DGKB: variants seen among roughly 807,000 people sequenced by gnomAD.
The protein encoded by DGKB is 90 kDa diacylglycerol kinase.
Under a neutral mutation model 114.3 loss-of-function variants are expected in DGKB, and 67 were observed. That is an observed-to-expected ratio of 0.59 (90% confidence interval 0.48 to 0.72). The LOEUF (loss-of-function observed/expected upper bound fraction) is 0.72. DGKB is among the 30% of genes least tolerant of loss of function. The probability of loss-of-function intolerance (pLI) is 0.00; values close to 1 mark genes in which losing one functional copy is unlikely to be tolerated. For missense variants in DGKB, 907 were observed against 975.2 expected, an observed-to-expected ratio of 0.93 and a Z score of 0.93; for synonymous variants, 398 against 323.1, an observed-to-expected ratio of 1.23 and a Z score of -2.49.
At chr7:14,313,516 G>C (rs922545726) in intron 23 of DGKB, among the ~76,000 whole-genome samples, 1 of 152,028 alleles carries the variant, frequency 6.6e-6, no homozygotes, top group Non-Finnish European at 1.5e-5. Flanking sequence ...GGTGACGGAC[G>C]GCACCTGGAA....
rs1480809851 is a variant in DGKB, at chr7:14,634,661, G to T, written c.1135-4393C>A. On this transcript the variant is annotated intron_variant, in intron 13 of 25. Transcript: ENST00000402815. ...TAAGAGACAGAGAAAAAAAACTAGG[G>T]TAAGATAAAGAAAAATTGTCTTCAT... Among the ~76,000 whole-genome samples, 3 of 151,528 alleles carry T rather than the reference G, an allele frequency of 2.0e-5. 1 individual carries two copies. The highest frequency in any genetic ancestry group is 4.1e-4 in the South Asian group (2 of 4,820).
chr7:14,747,364 T>TG (rs1833452640), intron 4 of DGKB, among the ~76,000 whole-genome samples: 1 of 150,168 alleles, frequency 6.7e-6, no homozygotes, highest in South Asian at 2.1e-4. Context: ...GGCTAATAGT[T>TG]TTTTTTTTTA....
intron 2 of DGKB, among the ~76,000 whole-genome samples, chr7:14,794,165 C>A (rs910403593): frequency 6.6e-6 from 1 of 152,060 alleles, no homozygotes; most frequent in African/African-American, 2.4e-5. Flanking sequence ...CTCTGAAGAA[C>A]CCTCACTAAC....
At chr7:14,878,830 T>C (rs1168526092) in intron 1 of DGKB, among the ~76,000 whole-genome samples, 2 of 151,364 alleles carry the variant, frequency 1.3e-5, no homozygotes, top group African/African-American at 4.8e-5. Context: ...TATTAAAACA[T>C]CTCACAAACT....
At chr7:14,728,809 T>A (rs2128380229) in intron 5 of DGKB, among the ~76,000 whole-genome samples, 1 of 151,514 alleles carries the variant, frequency 6.6e-6, no homozygotes, top group African/African-American at 2.4e-5. Context: ...CTCAAGCAAT[T>A]CTCCTGCCTC....
chr7:14,584,471 A>G (rs1411370853), intron 17 of DGKB, among the ~76,000 whole-genome samples: 2 of 152,156 alleles, frequency 1.3e-5, no homozygotes, highest in East Asian at 3.9e-4. Flanking sequence ...ACATATGAAC[A>G]ACTTTATGAT....
At chr7:14,159,357 T>A (rs1478244161) in intron 25 of DGKB, among the ~76,000 whole-genome samples, 1 of 152,180 alleles carries the variant, frequency 6.6e-6, no homozygotes, top group Non-Finnish European at 1.5e-5. Flanking sequence ...TTTGAAAGCC[T>A]TCCTGGACCT....
chr7:14,416,325 A>C (rs984480341), intron 21 of DGKB, among the ~76,000 whole-genome samples: 1 of 152,108 alleles, frequency 6.6e-6, no homozygotes, highest in African/African-American at 2.4e-5. Flanking sequence ...AACTTCTGAA[A>C]TTTTGGAAGG....
chr7:14,306,512 C>T (rs1296228201), intron 23 of DGKB, among the ~76,000 whole-genome samples: 1 of 151,968 alleles, frequency 6.6e-6, no homozygotes, highest in Non-Finnish European at 1.5e-5. Flanking sequence ...GGTTATTCCA[C>T]GTTCATATTT....
chr7:14,928,114 A>G (rs999081766), intron 1 of DGKB, among the ~76,000 whole-genome samples: 2 of 151,998 alleles, frequency 1.3e-5, no homozygotes, highest in African/African-American at 4.8e-5. Flanking sequence ...ATACATTTAA[A>G]ATTCTATTTA....
intron 1 of DGKB, among the ~76,000 whole-genome samples, chr7:14,913,120 T>G (rs1784074225): frequency 6.6e-6 from 1 of 152,096 alleles, no homozygotes; most frequent in Non-Finnish European, 1.5e-5. Flanking sequence ...GCATTGTGGA[T>G]CAGTGAGTCT....
chr7:14,912,658 A>T (rs1364453527), intron 1 of DGKB, among the ~76,000 whole-genome samples: 1 of 152,180 alleles, frequency 6.6e-6, no homozygotes, highest in East Asian at 1.9e-4. Context: ...CTTAGCTGCA[A>T]CAAAGTAGGA....
intron 1 of DGKB, among the ~76,000 whole-genome samples, chr7:14,940,343 C>CTT (rs35621459): frequency 3.5e-4 from 51 of 145,884 alleles, no homozygotes; most frequent in Admixed American, 2.1e-3. Flanking sequence ...GTCTTCAAGC[C>CTT]TTTTTTTTTT....
intron 2 of DGKB, among the ~76,000 whole-genome samples, chr7:14,825,503 C>T (rs1343125273): frequency 6.6e-6 from 1 of 152,128 alleles, no homozygotes; most frequent in African/African-American, 2.4e-5. Context: ...AACCTAGTCC[C>T]TTGCATGTGC....
At position 14,745,991 on chromosome 7, in the gene DGKB, A is replaced by C. The variant is rs1460675135; in HGVS notation, c.168+7937T>G. Among the ~76,000 whole-genome samples, 7 of 152,300 alleles carry C rather than the reference A, an allele frequency of 4.6e-5. No homozygotes were observed. In the East Asian group the frequency reaches 1.4e-3, roughly 29 times the overall value. On this transcript the variant is annotated intron_variant, in intron 4 of 25. Transcript: ENST00000402815. ...AGTTCTCTCTGGCTCAGCAAGCAAA[A>C]TACTGTTTTATTTTCTGACAGCTCT...
intron 2 of DGKB, among the ~76,000 whole-genome samples, chr7:14,819,553 GCACTCCAGCATGGGT>G (rs1329539819): frequency 6.6e-6 from 1 of 152,056 alleles, no homozygotes; most frequent in African/African-American, 2.4e-5. Flanking sequence ...TCACACCACT[GCACTCCAGCATGGGT>G]TACAGAGTGA....
At chr7:14,460,576 C>A (rs1832938412) in intron 21 of DGKB, among the ~76,000 whole-genome samples, 1 of 151,976 alleles carries the variant, frequency 6.6e-6, no homozygotes, top group Admixed American at 6.6e-5. Context: ...ATATATGCAT[C>A]CAATACAGGG....
chr7:14,157,336 A>G (rs1417796167), intron 25 of DGKB, among the ~76,000 whole-genome samples: 1 of 151,484 alleles, frequency 6.6e-6, no homozygotes, highest in Non-Finnish European at 1.5e-5. Flanking sequence ...AAAAAAGCAA[A>G]GCAATGAAAC....
chr7:14,583,664 G>A (rs1272430974), intron 17 of DGKB, among the ~76,000 whole-genome samples: 1 of 152,122 alleles, frequency 6.6e-6, no homozygotes, highest in East Asian at 1.9e-4. Context: ...CTGAGAATCT[G>A]CAAATAGGAG....
Sources: allele counts gnomAD v4.1 joint callset (sites outside exome capture counted in the v4.1 genomes callset), GRCh38; gene constraint gnomAD v4.1.1; transcripts MANE v1.5; gene names NCBI Gene and HGNC (gene_info 2026-07-23, HGNC 2026-07-21).